The following RTN4RL1 variants were observed in gnomAD, a reference collection of about 807,000 sequenced individuals.
RTN4RL1 encodes the protein reticulon-4 receptor-like 1.
A neutral mutation model predicts 25.6 loss-of-function variants in RTN4RL1; 7 were observed. That is an observed-to-expected ratio of 0.27 (90% CI 0.16 to 0.51). The LOEUF is 0.51. RTN4RL1 is among the 20% of genes least tolerant of loss of function. The pLI, the probability that RTN4RL1 is intolerant of heterozygous loss-of-function variation, is 0.97. For synonymous variants in RTN4RL1, 297 were observed against 288.2 expected, an observed-to-expected ratio of 1.03 and a Z score of -0.31; for missense variants, 500 against 615.6, an observed-to-expected ratio of 0.81 and a Z score of 1.99.
At chr17:1,999,457 AAC>A (rs35596203) in intron 1 of RTN4RL1, among the ~76,000 whole-genome samples, 92,744 of 145,812 alleles carry the variant, frequency 0.64, 29,232 homozygotes, top group Middle Eastern at 0.76. Context: ...AAAAAAATAA[AAC>A]ACACACACAC....
intron 1 of RTN4RL1, among the ~76,000 whole-genome samples, chr17:1,950,480 C>T (rs1414138945): frequency 6.6e-6 from 1 of 152,042 alleles, no homozygotes; most frequent in Non-Finnish European, 1.5e-5. Flanking sequence ...TTGGCTGCAG[C>T]TGGAAGTACA....
intron 1 of RTN4RL1, among the ~76,000 whole-genome samples, chr17:1,960,602 T>C (rs1915875225): frequency 6.6e-6 from 1 of 152,202 alleles, no homozygotes; most frequent in Non-Finnish European, 1.5e-5. Context: ...TTTTAAAGCG[T>C]ACAATTCACT....
intron 1 of RTN4RL1, among the ~76,000 whole-genome samples, chr17:1,965,259 G>A (rs1049792159): frequency 3.3e-5 from 5 of 151,210 alleles, no homozygotes; most frequent in Non-Finnish European, 5.9e-5. Context: ...ACAGGCGCGC[G>A]CCCCCCATGC....
At chr17:1,958,741 G>A (rs1243285140) in intron 1 of RTN4RL1, among the ~76,000 whole-genome samples, 1 of 152,254 alleles carries the variant, frequency 6.6e-6, no homozygotes, top group African/African-American at 2.4e-5. Context: ...GCCAGATCAA[G>A]CCTGCTTAGC....
intron 1 of RTN4RL1, among the ~76,000 whole-genome samples, chr17:1,957,362 T>G (rs1359082011): frequency 2.0e-5 from 3 of 152,138 alleles, no homozygotes; most frequent in East Asian, 1.9e-4. Context: ...ACCAGGCCCG[T>G]GAGCCTCATA....
At chr17:2,017,537 C>G (rs899607925) in intron 1 of RTN4RL1, among the ~76,000 whole-genome samples, 1 of 152,248 alleles carries the variant, frequency 6.6e-6, no homozygotes, top group African/African-American at 2.4e-5. Flanking sequence ...CATCGTGCCA[C>G]GGCACCGAGC....
At chr17:1,977,356 T>C (rs895360438) in intron 1 of RTN4RL1, among the ~76,000 whole-genome samples, 6 of 151,928 alleles carry the variant, frequency 3.9e-5, no homozygotes, top group African/African-American at 1.2e-4. Context: ...CCAAGGTCAG[T>C]CCAAGGCCAG....
At position 1,935,711 on chromosome 17, in the gene RTN4RL1, GTATATATATATATATATATATATATATA is replaced by G. The variant is rs58785478; in HGVS notation, c.*757_*784del. The G allele has an allele frequency of 8.9e-3, 1,425 of 159,878 alleles. 388 individuals carry two copies. The highest frequency in any genetic ancestry group is 0.011 in the Non-Finnish European group (1,314 of 115,320). 9.9% of individuals were successfully genotyped at this position (159,878 alleles called of 1,614,324 possible). ...AGTGGGAGGGGGACTGTGCATTTGT[GTATATATATATATATATATATATATATA>G]TATATATATATATATGTAGAGTGTG... On this transcript the variant is annotated 3_prime_UTR_variant, in exon 2 of 2. Coordinates refer to ENST00000331238, the MANE Select transcript of RTN4RL1 (RefSeq NM_178568.4).
chr17:1,942,835 G>C (rs1915467634), intron 1 of RTN4RL1, among the ~76,000 whole-genome samples: 1 of 152,142 alleles, frequency 6.6e-6, no homozygotes, highest in Non-Finnish European at 1.5e-5. Flanking sequence ...GGTGGGAAGG[G>C]AAAGGCAATG....
intron 1 of RTN4RL1, among the ~76,000 whole-genome samples, chr17:2,012,186 T>C (rs10852908): frequency 0.35 from 52,711 of 152,122 alleles, 9,474 homozygotes; most frequent in East Asian, 0.55. Flanking sequence ...ACGGAGTCGA[T>C]AGTACAAATT....
intron 1 of RTN4RL1, among the ~76,000 whole-genome samples, chr17:2,007,503 C>A (rs759440957): frequency 6.6e-6 from 1 of 152,182 alleles, no homozygotes; most frequent in Admixed American, 6.5e-5. Context: ...AGGCCTTGGC[C>A]TCTCATTCTG....
At chr17:1,972,929 G>A (rs1204583101) in intron 1 of RTN4RL1, among the ~76,000 whole-genome samples, 1 of 152,202 alleles carries the variant, frequency 6.6e-6, no homozygotes, top group Non-Finnish European at 1.5e-5. Context: ...ATGAAGCAGC[G>A]GCCGAAATGA....
intron 1 of RTN4RL1, among the ~76,000 whole-genome samples, chr17:2,000,985 A>T (rs1279927096): frequency 6.6e-6 from 1 of 151,908 alleles, no homozygotes; most frequent in Non-Finnish European, 1.5e-5. Flanking sequence ...GGAATAGGAG[A>T]CGTGACAGGC....
At chr17:1,978,544 G>C (rs1309684936) in intron 1 of RTN4RL1, among the ~76,000 whole-genome samples, 1 of 151,810 alleles carries the variant, frequency 6.6e-6, no homozygotes, top group African/African-American at 2.4e-5. Flanking sequence ...AACAGCTCTT[G>C]CTTGGAATTA....
intron 1 of RTN4RL1, among the ~76,000 whole-genome samples, chr17:1,995,011 T>C (rs1255138261): frequency 6.6e-6 from 1 of 151,996 alleles, no homozygotes; most frequent in Non-Finnish European, 1.5e-5. Context: ...GCCCTGTGTC[T>C]GGAGCATGTG....
intron 1 of RTN4RL1, among the ~76,000 whole-genome samples, chr17:2,022,093 T>A (rs949838586): frequency 6.6e-6 from 1 of 151,174 alleles, no homozygotes; most frequent in African/African-American, 2.4e-5. Context: ...GGTGGGCAGA[T>A]CACTTGAGAC....
intron 1 of RTN4RL1, among the ~76,000 whole-genome samples, chr17:1,999,716 G>A (rs2066948275): frequency 6.6e-6 from 1 of 152,032 alleles, no homozygotes; most frequent in South Asian, 2.1e-4. Flanking sequence ...ACTCTTGCGT[G>A]CTGACTGCAG....
chr17:1,950,531 C>T (rs769898029), intron 1 of RTN4RL1, among the ~76,000 whole-genome samples: 1 of 151,918 alleles, frequency 6.6e-6, no homozygotes, highest in Non-Finnish European at 1.5e-5. Context: ...CAAGAGCTGT[C>T]GGCACAGAGC....
chr17:1,936,658 G>A lies in RTN4RL1; in HGVS notation c.1164C>T (p.Phe388=), dbSNP rs1483037861. The stretch of plus-strand genomic sequence containing the variant: ...GGGCCGTAGGCATGATGTCAAAACT[G>A]AACTTGTGCTGGTAGTCTGGGGCAT... The part of the protein sequence containing the change: ...PDYAPDYQHK[F]SFDIMPTARP... Residue 388 remains phenylalanine, a synonymous_variant, in exon 2 of 2, where the codon TTC becomes TTT. Coordinates refer to ENST00000331238, the MANE Select transcript of RTN4RL1 (RefSeq NM_178568.4). The A allele has an allele frequency of 1.3e-6, 2 of 1,589,368 alleles. No homozygotes were observed. Among genetic ancestry groups the A allele is most frequent in the Non-Finnish European group, 8.6e-7 (1 of 1,168,966 alleles).
Sources: gnomAD v4.1 joint callset for allele counts (sites outside exome capture counted in the v4.1 genomes callset) on GRCh38, gnomAD v4.1.1 for gene constraint, MANE v1.5 for transcripts, NCBI Gene and HGNC (gene_info 2026-07-23, HGNC 2026-07-21) for gene names.